PDE4D: variants seen among roughly 807,000 people sequenced by gnomAD.
The protein encoded by PDE4D is 3',5'-cyclic-AMP phosphodiesterase 4D.
In PDE4D, 24 loss-of-function variants were observed where a neutral mutation model predicts 87.4. That is an observed-to-expected ratio of 0.27 (90% CI 0.20 to 0.39). PDE4D has a LOEUF of 0.39. Ranked by LOEUF, PDE4D falls within the 10% of genes least tolerant of loss-of-function variation. The pLI, the probability that PDE4D is intolerant of heterozygous loss-of-function variation, is 1.00. For synonymous variants in PDE4D, 384 were observed against 383.2 expected, an observed-to-expected ratio of 1.00 and a Z score of -0.02; for missense variants, 714 against 1,041.0, an observed-to-expected ratio of 0.69 and a Z score of 4.32.
At chr5:59,916,585 T>C (rs1229563706) in intron 3 of PDE4D, among the ~76,000 whole-genome samples, 2 of 152,212 alleles carry the variant, frequency 1.3e-5, no homozygotes, top group African/African-American at 2.4e-5. Context: ...CAATGCAATG[T>C]ACATATAATT....
chr5:60,202,272 C>A (rs1742001933), intron 1 of PDE4D, among the ~76,000 whole-genome samples: 2 of 152,102 alleles, frequency 1.3e-5, no homozygotes, highest in African/African-American at 4.8e-5. Flanking sequence ...AAGTGATCCT[C>A]CCACCTCAGC....
At chr5:59,696,221 T>C (rs964179929) in intron 1 of PDE4D, among the ~76,000 whole-genome samples, 1 of 152,170 alleles carries the variant, frequency 6.6e-6, no homozygotes, top group African/African-American at 2.4e-5. Flanking sequence ...TATGAGATTA[T>C]ATAGCCAAGA....
chr5:60,190,591 A>G (rs1785122014), intron 1 of PDE4D, among the ~76,000 whole-genome samples: 1 of 152,220 alleles, frequency 6.6e-6, no homozygotes, highest in Non-Finnish European at 1.5e-5. Context: ...GGGTAATTGA[A>G]GTATAGGGAA....
At chr5:60,416,268 G>C (rs1282250679) in intron 1 of PDE4D, among the ~76,000 whole-genome samples, 1 of 152,226 alleles carries the variant, frequency 6.6e-6, no homozygotes, top group East Asian at 1.9e-4. Flanking sequence ...CAGGATGTGG[G>C]TGGGGCCAGA....
intron 2 of PDE4D, among the ~76,000 whole-genome samples, chr5:59,208,233 A>G (rs1749271715): frequency 6.6e-6 from 1 of 152,204 alleles, no homozygotes; most frequent in African/African-American, 2.4e-5. Flanking sequence ...GGAAATCTAG[A>G]AAATAAAATG....
chr5:59,723,361 T>C (rs1000198662), intron 1 of PDE4D, among the ~76,000 whole-genome samples: 9 of 152,090 alleles, frequency 5.9e-5, no homozygotes, highest in African/African-American at 2.2e-4. Flanking sequence ...GGAGAGTAAA[T>C]ACCTCATAGA....
chr5:59,975,740 C>T (rs1440529750), intron 3 of PDE4D, among the ~76,000 whole-genome samples: 1 of 152,208 alleles, frequency 6.6e-6, no homozygotes, highest in East Asian at 1.9e-4. Flanking sequence ...ACTGTACCTT[C>T]AATTGGCATT....
At chr5:59,322,111 T>G (rs2153571869) in intron 1 of PDE4D, among the ~76,000 whole-genome samples, 1 of 152,256 alleles carries the variant, frequency 6.6e-6, no homozygotes, top group East Asian at 1.9e-4. Flanking sequence ...ATGGGCCACA[T>G]AAATTCTCAG....
At chr5:60,153,910 A>G (rs747335666) in intron 2 of PDE4D, among the ~76,000 whole-genome samples, 5 of 152,214 alleles carry the variant, frequency 3.3e-5, no homozygotes, top group Admixed American at 6.5e-5. Context: ...CAGTTATGTA[A>G]GACGAATAAG....
At chr5:59,630,029 G>C (rs971802333) in intron 1 of PDE4D, among the ~76,000 whole-genome samples, 12 of 152,110 alleles carry the variant, frequency 7.9e-5, no homozygotes, top group African/African-American at 2.9e-4. Context: ...CTATACCGTA[G>C]TTTCAGTTAA....
intron 1 of PDE4D, among the ~76,000 whole-genome samples, chr5:59,407,319 TC>T (rs1289424521): frequency 6.6e-6 from 1 of 152,208 alleles, no homozygotes; most frequent in Non-Finnish European, 1.5e-5. Flanking sequence ...CTGAGGCCTC[TC>T]CAGAAGCTTA....
intron 1 of PDE4D, among the ~76,000 whole-genome samples, chr5:59,482,961 G>A (rs981262528): frequency 6.6e-6 from 1 of 152,092 alleles, no homozygotes; most frequent in African/African-American, 2.4e-5. Context: ...CATTTGAACT[G>A]GTAGACTGAG....
At chr5:59,001,983 A>T in intron 6 of PDE4D, 1 of 498,634 alleles carries the variant, frequency 2.0e-6, no homozygotes, top group Non-Finnish European at 4.0e-6. Flanking sequence ...CCTATACGGC[A>T]TCACCTTCCC....
chr5:60,317,614 T>C (rs1396718826), intron 1 of PDE4D, among the ~76,000 whole-genome samples: 1 of 152,264 alleles, frequency 6.6e-6, no homozygotes, highest in African/African-American at 2.4e-5. Context: ...TGCTTTCTCT[T>C]GTGGGCATTT....
At chr5:60,051,949 G>T (rs951898724) in intron 2 of PDE4D, among the ~76,000 whole-genome samples, 2 of 152,094 alleles carry the variant, frequency 1.3e-5, no homozygotes, top group Admixed American at 1.3e-4. Flanking sequence ...AGAAGAAATG[G>T]ATAAATTCCT....
At chr5:60,384,651 G>A (rs149461398) in intron 1 of PDE4D, among the ~76,000 whole-genome samples, 2,388 of 152,160 alleles carry the variant, frequency 0.016, 63 homozygotes, top group African/African-American at 0.054. Context: ...TCATCTATTT[G>A]ATTGTTAAAG....
intron 2 of PDE4D, among the ~76,000 whole-genome samples, chr5:60,057,899 T>C (rs753160433): frequency 9.2e-5 from 14 of 152,142 alleles, no homozygotes; most frequent in Middle Eastern, 3.4e-3. Flanking sequence ...ACATCTGATA[T>C]ATATACCAAA....
chr5:60,444,331 A>G (rs1398397515), intron 1 of PDE4D, among the ~76,000 whole-genome samples: 3 of 152,076 alleles, frequency 2.0e-5, no homozygotes, highest in Non-Finnish European at 2.9e-5. Context: ...CCTGCCATAC[A>G]TTCATTGTTT....
intron 1 of PDE4D, among the ~76,000 whole-genome samples, chr5:59,614,546 A>G (rs1239658620): frequency 1.3e-5 from 2 of 152,244 alleles, no homozygotes; most frequent in Non-Finnish European, 2.9e-5. Flanking sequence ...CACATAAAGC[A>G]ACAATATACA....
Sources: allele counts gnomAD v4.1 joint callset (sites outside exome capture counted in the v4.1 genomes callset), GRCh38; gene constraint gnomAD v4.1.1; transcripts MANE v1.5; gene names NCBI Gene and HGNC (gene_info 2026-07-23, HGNC 2026-07-21).